Variants in GPLD1 observed in about 807,000 individuals in gnomAD.
The protein encoded by GPLD1 is glycosylphosphatidylinositol specific phospholipase D1.
GPLD1 carries 84 observed loss-of-function variants against 112.6 expected under a neutral mutation model. The ratio of observed to expected loss-of-function variants is 0.75; its 90% CI spans 0.63 to 0.89. The LOEUF is 0.89. GPLD1 is among the 40% of genes least tolerant of loss of function. The pLI, the probability that GPLD1 is intolerant of heterozygous loss-of-function variation, is 0.00. For synonymous variants in GPLD1, 386 were observed against 403.8 expected (o/e 0.96, Z 0.53); for missense variants, 1,044 against 1,051.5 (o/e 0.99, Z 0.10).
Position 24,425,836 on chromosome 6 carries a change from A to G in GPLD1, c.*3196T>C, listed in dbSNP as rs1762216723. 6.6e-6 allele frequency: 1 copy of G among 152,226 alleles called. No individual in the cohort carries two copies. Among genetic ancestry groups the G allele is most frequent in the African/African-American group, 2.4e-5 (1 of 41,464 alleles). The allele number at this position is 152,226 out of a possible 1,614,324, so 9.4% of individuals were successfully genotyped here. A position where few individuals can be genotyped will look rare whatever the true frequency, so the allele number is the denominator to read the frequency against. ...CTGTTAAGCAGCACTAACCAATTTT[A>G]TATTAAAAAGCTATTTATTTTGGTG... is the stretch of plus-strand genomic sequence containing the variant. On this transcript the variant is annotated 3_prime_UTR_variant, in exon 25 of 25. Coordinates refer to ENST00000230036, the MANE Select transcript of GPLD1 (RefSeq NM_001503.4).
At chr6:24,452,699 C>T (rs754942628) in intron 14 of GPLD1, among the ~76,000 whole-genome samples, 74 of 151,532 alleles carry the variant, frequency 4.9e-4, no homozygotes, top group Non-Finnish European at 8.8e-4. Context: ...TAACTTAAAC[C>T]CAGAAGGCAG....
At chr6:24,472,754 G>C in intron 6 of GPLD1, 118 bp from the exon 7 acceptor site, 1 of 635,366 alleles carries the variant, frequency 1.6e-6, no homozygotes, top group Non-Finnish European at 2.8e-6. Flanking sequence ...ACATGTTTTT[G>C]TTCATTGTTT....
chr6:24,494,791 G>T, intron 1 of GPLD1: 2 of 508,490 alleles, frequency 3.9e-6, no homozygotes, highest in Non-Finnish European at 6.0e-6. Context: ...GGCGCTTAGG[G>T]CAAGGTGCAG....
intron 7 of GPLD1, among the ~76,000 whole-genome samples, chr6:24,472,374 C>T (rs1372750360): frequency 6.6e-6 from 1 of 152,168 alleles, no homozygotes; most frequent in African/African-American, 2.4e-5. Context: ...AAAAAGTAAA[C>T]TATGACTCAG....
intron 12 of GPLD1, 122 bp downstream of exon 12, chr6:24,460,157 C>T (rs1763387944): frequency 2.6e-6 from 3 of 1,168,114 alleles, no homozygotes; most frequent in East Asian, 4.7e-5. Flanking sequence ...CTCAGCCTCC[C>T]AGCCACCACA....
At chr6:24,445,299 T>C (rs2041453208) in intron 20 of GPLD1, among the ~76,000 whole-genome samples, 1 of 152,152 alleles carries the variant, frequency 6.6e-6, no homozygotes. Flanking sequence ...AGTGCTGGGA[T>C]TACAGGTGTG....
chr6:24,489,714 A>C, upstream of GPLD1: 1 of 803,924 alleles, frequency 1.2e-6, no homozygotes, highest in Non-Finnish European at 1.9e-6. Context: ...AGAACAGCAA[A>C]CAAACTCTGT....
In GPLD1 at chr6:24,429,064, C is replaced by T; in HGVS notation, c.2491G>A (p.Ala831Thr). Residue 831 changes from alanine (A) to threonine (T), a missense_variant, in exon 25 of 25, where the codon GCA becomes ACA. Transcript: ENST00000230036. ...RSSLGARLSGALHVYSLGSD is the reference protein window; with the variant it reads ...RSSLGARLSGTLHVYSLGSD Reference sequence around the variant, plus strand: ...GAGCCAAGGCTATAGACGTGAAGTGCCCCGGAGAGTCGGGCTCCCAAAGAA... The same window carrying T: ...GAGCCAAGGCTATAGACGTGAAGTGTCCCGGAGAGTCGGGCTCCCAAAGAA... 1 of 1,613,460 alleles carries T rather than the reference C, an allele frequency of 6.2e-7. No homozygotes were observed. Among genetic ancestry groups the T allele is most frequent in the Non-Finnish European group, 8.5e-7 (1 of 1,179,490 alleles).
At chr6:24,482,644 C>T (rs61157495) in intron 2 of GPLD1, among the ~76,000 whole-genome samples, 27,073 of 152,004 alleles carry the variant, frequency 0.18, 2,797 homozygotes, top group African/African-American at 0.28. Context: ...CTTGAACTCC[C>T]GACCTCAGGT....
rs536258336 is a variant in GPLD1, at chr6:24,460,921, T to A, written c.888-522A>T. ...ACACCCAGCTGATTTTTTTGTATTTTTAGTAGAGATGGAGTTTCACTATGT... is the reference window on the plus strand; with the variant it reads ...ACACCCAGCTGATTTTTTTGTATTTATAGTAGAGATGGAGTTTCACTATGT... On this transcript the variant is annotated intron_variant, in intron 11 of 24. Coordinates refer to ENST00000230036, the MANE Select transcript of GPLD1 (RefSeq NM_001503.4). Among the ~76,000 whole-genome samples the A allele has an allele frequency of 1.7e-3, 251 of 152,072 alleles. 2 individuals are homozygous for A. The Middle Eastern group carries it at 0.017, about 10-fold the overall frequency.
chr6:24,465,420 T>C (rs1169576537), intron 10 of GPLD1, among the ~76,000 whole-genome samples: 1 of 150,714 alleles, frequency 6.6e-6, no homozygotes, highest in Non-Finnish European at 1.5e-5. Flanking sequence ...TGTGAGCCTG[T>C]GGTCCCAGGT....
chr6:24,490,448 G>C (rs1242835260), upstream of GPLD1, among the ~76,000 whole-genome samples: 1 of 152,154 alleles, frequency 6.6e-6, no homozygotes, highest in Non-Finnish European at 1.5e-5. Context: ...ATGAAAGGAT[G>C]AATAGAAAGT....
At chr6:24,465,820 A>ATT (rs1763587111) in intron 10 of GPLD1, among the ~76,000 whole-genome samples, 1 of 152,218 alleles carries the variant, frequency 6.6e-6, no homozygotes, top group African/African-American at 2.4e-5. Flanking sequence ...TTTCAACAGA[A>ATT]TGTTTTACAA....
At chr6:24,478,231 A>C (rs966624565) in intron 3 of GPLD1, among the ~76,000 whole-genome samples, 11 of 152,210 alleles carry the variant, frequency 7.2e-5, no homozygotes. Context: ...ATTAGAAATA[A>C]TAGGTTAGAA....
At chr6:24,467,033 A>G in intron 8 of GPLD1, 94 bp from the exon 9 acceptor site, 1 of 1,187,772 alleles carries the variant, frequency 8.4e-7, no homozygotes, top group South Asian at 1.2e-5. Context: ...ACCCTTTTCC[A>G]CCGTCATGCA....
At position 24,448,191 on chromosome 6, in the gene GPLD1, G is replaced by C. The variant is rs1313859681; in HGVS notation, c.1464C>G (p.Tyr488Ter). 6.2e-7 allele frequency: 1 copy of C among 1,608,058 alleles called. No homozygotes were observed. Among genetic ancestry groups the C allele is most frequent in the Non-Finnish European group, 8.5e-7 (1 of 1,177,692 alleles). Reference protein sequence around the residue: ...QLTYKGAVYVYFGSKQGGMSS... With the variant: ...QLTYKGAVYV ...ACATTCCTCCTTGTTTGGAACCAAA[G>C]TAGACATACACGGCACCCTAGATAA... is the stretch of plus-strand genomic sequence containing the variant. The change falls in exon 16 of 25, where the codon TAC becomes TAG. Residue 488 changes from tyrosine to a stop codon, truncating the protein, a stop_gained. Coordinates refer to ENST00000230036, the MANE Select transcript of GPLD1 (RefSeq NM_001503.4). LOFTEE classifies it high-confidence loss of function.
intron 7 of GPLD1, among the ~76,000 whole-genome samples, chr6:24,471,808 C>T (rs1763833050): frequency 6.6e-6 from 1 of 152,182 alleles, no homozygotes; most frequent in Admixed American, 6.5e-5. Context: ...AAGCCTCAAA[C>T]TCCTGTGCTC....
At chr6:24,488,707 A>G (rs1054443467) in intron 1 of GPLD1, among the ~76,000 whole-genome samples, 22 of 152,216 alleles carry the variant, frequency 1.4e-4, no homozygotes, top group African/African-American at 5.1e-4. Context: ...ATCATGTTGT[A>G]TATCTTAAAT....
At position 24,428,972 on chromosome 6, in the gene GPLD1, C is replaced by T. The variant is rs1762320690; in HGVS notation, c.*60G>A. 6 of 1,175,828 alleles carry T rather than the reference C, an allele frequency of 5.1e-6. 1 individual carries two copies. The Admixed American group carries it at 5.7e-5, about 11-fold the overall frequency. 72.8% of individuals were successfully genotyped at this position (1,175,828 alleles called of 1,614,324 possible). The stretch of plus-strand genomic sequence containing the variant: ...GTGCCACTTTGTCCATCAAAATGCT[C>T]ACCATGGATGTGATTCAGCATGAGA... On this transcript the variant is annotated 3_prime_UTR_variant, in exon 25 of 25. Transcript: ENST00000230036.
Sources: gnomAD v4.1 joint callset for allele counts (sites outside exome capture counted in the v4.1 genomes callset) on GRCh38, gnomAD v4.1.1 for gene constraint, MANE v1.5 for transcripts, NCBI Gene and HGNC (gene_info 2026-07-23, HGNC 2026-07-21) for gene names.